Variants in ZDHHC11 observed in about 807,000 individuals in gnomAD.
ZDHHC11 encodes zDHHC palmitoyltransferase 11, also known as palmitoyltransferase ZDHHC11.
A neutral mutation model predicts 51.3 loss-of-function variants in ZDHHC11; 44 were observed. The observed-to-expected ratio is 0.86, with a 90% confidence interval of 0.67 to 1.10. The LOEUF is 1.10. ZDHHC11 is among the 50% of genes least tolerant of loss of function. The pLI is 0.00. For synonymous variants in ZDHHC11, 163 were observed against 222.0 expected (o/e 0.73, Z 2.36); for missense variants, 400 against 537.7 (o/e 0.74, Z 2.53).
In ZDHHC11 at chr5:848,708, C is replaced by T. The variant is rs564217615; in HGVS notation, c.223-48G>A. ...GGCCCAGGGCCTGGTCAGCCTGGCA[C>T]GAGGCGTCCCCGTGAGGCCCAAGGG... On this transcript the variant is annotated intron_variant, in intron 1 of 12. Coordinates refer to ENST00000283441, the MANE Select transcript of ZDHHC11 (RefSeq NM_024786.3). 102 of 1,611,160 alleles carry T rather than the reference C, an allele frequency of 6.3e-5. 1 individual carries two copies. In the Middle Eastern group the frequency reaches 8.5e-4, roughly 13 times the overall value.
chr5:819,599 TCCTGGCC>T lies in ZDHHC11; in HGVS notation c.1065_1071del (p.Ala356ThrfsTer4). 1 of 1,609,470 alleles carries T rather than the reference TCCTGGCC, an allele frequency of 6.2e-7. No individual in the cohort carries two copies. Among genetic ancestry groups the T allele is most frequent in the Non-Finnish European group, 8.5e-7 (1 of 1,176,442 alleles). ...AGGCGCCTGCAAATCAGCCGGGAGT[TCCTGGCC>T]TTGGCTCTGGTGGGGCAAACAGAAG... On this transcript the variant is annotated frameshift_variant, in exon 10 of 13. Transcript: ENST00000283441. LOFTEE classifies it high-confidence loss of function.
intron 1 of ZDHHC11, among the ~76,000 whole-genome samples, chr5:856,737 C>T (rs1748309727): frequency 1.3e-5 from 2 of 151,614 alleles, no homozygotes; most frequent in South Asian, 4.2e-4. Context: ...ACACAATACA[C>T]ACAATACACA....
At chr5:808,650 C>T (rs1409855932) in intron 11 of ZDHHC11, among the ~76,000 whole-genome samples, 1 of 149,094 alleles carries the variant, frequency 6.7e-6, no homozygotes, top group African/African-American at 2.4e-5. Context: ...ATTCTCCTGC[C>T]TCAGCCTCCC....
chr5:846,159 C>G (rs1243123963), intron 3 of ZDHHC11, among the ~76,000 whole-genome samples: 1 of 150,756 alleles, frequency 6.6e-6, no homozygotes, highest in Non-Finnish European at 1.5e-5. Context: ...TCTGGACTCG[C>G]TGTGCGGTCA....
In ZDHHC11 at chr5:848,537, A is replaced by C; in HGVS notation, c.346T>G (p.Ser116Ala). 1 of 1,526,528 alleles carries C rather than the reference A, an allele frequency of 6.6e-7. No homozygotes were observed. The highest frequency in any genetic ancestry group is 8.9e-7 in the Non-Finnish European group (1 of 1,129,230). The allele number at this position is 1,526,528 out of a possible 1,614,324, so 94.6% of individuals were successfully genotyped here. The change falls in exon 2 of 13, where the codon TCA (serine) becomes GCA (alanine). Residue 116 changes from serine (S) to alanine (A), a missense_variant. By Grantham distance (99) the Ser-to-Ala change is moderately conservative. Transcript: ENST00000283441. Reference sequence around the variant, plus strand: ...TTCTGGATCACGTGTGCATGTTTTGATCTGTCGAAGAGGGGCATGGGCTGA... The same window carrying C: ...TTCTGGATCACGTGTGCATGTTTTGCTCTGTCGAAGAGGGGCATGGGCTGA... The part of the protein sequence containing the change: ...YSQPMPLFDR[S>A]KHAHVIQNQF...
intron 5 of ZDHHC11, chr5:840,143 T>G (rs376243643): frequency 1.5e-5 from 9 of 618,478 alleles, no homozygotes; most frequent in East Asian, 5.5e-5. Flanking sequence ...CTGTCCTTAT[T>G]TCATAATGTC....
chr5:840,193 C>T (rs1230409790), intron 5 of ZDHHC11: 3 of 684,854 alleles, frequency 4.4e-6, no homozygotes, highest in Non-Finnish European at 8.0e-6. Context: ...TGTCTCTGAA[C>T]ATTTTAAACT....
chr5:819,421 G>A, intron 10 of ZDHHC11, 104 bp downstream of exon 10: 2 of 1,233,720 alleles, frequency 1.6e-6, no homozygotes, highest in Non-Finnish European at 2.4e-6. Flanking sequence ...GACACAGAGT[G>A]CTTCCCTTTT....
At chr5:825,450 G>A (rs7700703) in intron 7 of ZDHHC11, among the ~76,000 whole-genome samples, 199 bp from the exon 8 acceptor site, 20,881 of 143,310 alleles carry the variant, frequency 0.15, 524 homozygotes, top group African/African-American at 0.4. Flanking sequence ...GAAGCTTCTC[G>A]TGTAAAGGAC....
At chr5:854,265 C>T (rs1747786586), upstream of ZDHHC11, among the ~76,000 whole-genome samples, 5 of 141,002 alleles carry the variant, frequency 3.5e-5, no homozygotes, top group South Asian at 7.0e-4. Flanking sequence ...ATAGACCCCA[C>T]CAAGGACAGT....
rs765782917 is a variant in ZDHHC11, at chr5:840,365, C to G, written c.784+130G>C. On this transcript the variant is annotated intron_variant, in intron 5 of 12. Coordinates refer to ENST00000283441, the MANE Select transcript of ZDHHC11 (RefSeq NM_024786.3). The stretch of plus-strand genomic sequence containing the variant: ...GGCTGACCCTGAACACATGCGCACA[C>G]GGGGGACAAAGACTCTGGCCCCAGG... The G allele has an allele frequency of 8.9e-6, 11 of 1,230,754 alleles. No individual in the cohort carries two copies. The East Asian group carries it at 1.7e-4, about 19-fold the overall frequency. 76.2% of individuals were successfully genotyped at this position (1,230,754 alleles called of 1,614,324 possible). A position where few individuals can be genotyped will look rare whatever the true frequency, so the allele number is the denominator to read the frequency against.
At position 850,645 on chromosome 5, in the gene ZDHHC11, G is replaced by A. The variant is rs1361372303; in HGVS notation, c.-43C>T. ...GGAGGACCTGCGCCGTCAGATCCTGGGAGGGCCGGCCCCGCCCACTGTCAC... is the reference window on the plus strand; with the variant it reads ...GGAGGACCTGCGCCGTCAGATCCTGAGAGGGCCGGCCCCGCCCACTGTCAC... On this transcript the variant is annotated 5_prime_UTR_variant, in exon 1 of 13. Coordinates refer to ENST00000283441, the MANE Select transcript of ZDHHC11 (RefSeq NM_024786.3). 6.3e-7 allele frequency: 1 copy of A among 1,596,742 alleles called. No individual in the cohort carries two copies. The highest frequency in any genetic ancestry group is 1.7e-5 in the Admixed American group (1 of 59,764).
chr5:807,832 G>A (rs1251802227), intron 11 of ZDHHC11, among the ~76,000 whole-genome samples: 18 of 151,336 alleles, frequency 1.2e-4, no homozygotes, highest in African/African-American at 3.9e-4. Flanking sequence ...TGCAGGTTAC[G>A]GTGCCAATTA....
intron 12 of ZDHHC11, among the ~76,000 whole-genome samples, chr5:800,841 G>C (rs1351370359): frequency 1.3e-5 from 2 of 151,444 alleles, no homozygotes; most frequent in Admixed American, 1.3e-4. Context: ...GTATGGAAAT[G>C]AGAGGTGTTC....
chr5:836,894 T>C (rs1183613746), intron 6 of ZDHHC11, among the ~76,000 whole-genome samples: 1 of 149,464 alleles, frequency 6.7e-6, no homozygotes, highest in Non-Finnish European at 1.5e-5. Context: ...ACATCTCTAC[T>C]AAAAATACAA....
intron 12 of ZDHHC11, among the ~76,000 whole-genome samples, chr5:797,974 C>G (rs1420976590): frequency 6.6e-6 from 1 of 150,926 alleles, no homozygotes; most frequent in African/African-American, 2.4e-5. Context: ...GGTCACCCAC[C>G]TCACACAAAT....
At chr5:819,282 C>T (rs547439837) in intron 10 of ZDHHC11, among the ~76,000 whole-genome samples, 10 of 151,716 alleles carry the variant, frequency 6.6e-5, no homozygotes, top group African/African-American at 9.6e-5. Context: ...GGTGGCACTG[C>T]AGTGCTGAGG....
chr5:835,656 G>A (rs1743725461), intron 6 of ZDHHC11, among the ~76,000 whole-genome samples: 1 of 152,020 alleles, frequency 6.6e-6, no homozygotes, highest in African/African-American at 2.4e-5. Context: ...GGGTTCAGCA[G>A]GGATTGTGGT....
chr5:833,177 T>C (rs565837873), intron 7 of ZDHHC11, among the ~76,000 whole-genome samples: 37 of 152,348 alleles, frequency 2.4e-4, no homozygotes, highest in African/African-American at 8.9e-4. Flanking sequence ...CTCCACCCTT[T>C]TGAGAAGTCA....
Sources: allele counts gnomAD v4.1 joint callset (sites outside exome capture counted in the v4.1 genomes callset), GRCh38; gene constraint gnomAD v4.1.1; transcripts MANE v1.5; gene names NCBI Gene and HGNC (gene_info 2026-07-23, HGNC 2026-07-21).